CHODL: variants seen among roughly 807,000 people sequenced by gnomAD.
CHODL encodes the protein chondrolectin.
Under a neutral mutation model 34.5 loss-of-function variants are expected in CHODL, and 29 were observed. The ratio of observed to expected loss-of-function variants is 0.84; its 90% CI spans 0.63 to 1.15. CHODL has a LOEUF of 1.15. Among genes scored for constraint, CHODL ranks in the 50% most tolerant of loss-of-function variants. The pLI, the probability that CHODL is intolerant of heterozygous loss-of-function variation, is 0.00. For synonymous variants in CHODL, 125 were observed against 116.1 expected, an observed-to-expected ratio of 1.08 and a Z score of -0.49; for missense variants, 332 against 332.5, an observed-to-expected ratio of 1.00 and a Z score of 0.01.
intron 2 of CHODL, among the ~76,000 whole-genome samples, chr21:18,219,538 CT>C (rs753018729): frequency 6.6e-6 from 1 of 152,150 alleles, no homozygotes; most frequent in Non-Finnish European, 1.5e-5. Context: ...AATTTACATT[CT>C]CACCAACAGA....
At chr21:17,926,246 G>T (rs1328659760) in intron 1 of CHODL, among the ~76,000 whole-genome samples, 1 of 150,176 alleles carries the variant, frequency 6.7e-6, no homozygotes, top group Non-Finnish European at 1.5e-5. Flanking sequence ...TTTATGAAAT[G>T]AAAAAAAAAT....
intron 1 of CHODL, among the ~76,000 whole-genome samples, chr21:18,008,259 G>C (rs149363810): frequency 1.3e-5 from 2 of 151,668 alleles, no homozygotes; most frequent in Non-Finnish European, 2.9e-5. Context: ...CCATGATACC[G>C]TCATCACAAC....
chr21:18,043,783 G>T (rs1345016460), intron 2 of CHODL, among the ~76,000 whole-genome samples: 1 of 151,944 alleles, frequency 6.6e-6, no homozygotes, highest in African/African-American at 2.4e-5. Context: ...AAGAAAAAGA[G>T]GTTTAATGGA....
intron 2 of CHODL, among the ~76,000 whole-genome samples, chr21:18,039,126 T>A (rs2064345219): frequency 6.6e-6 from 1 of 151,650 alleles, no homozygotes; most frequent in Admixed American, 6.6e-5. Context: ...AATCGAGGGA[T>A]TCTTAATGGT....
At chr21:18,222,315 G>A (rs775975948) in intron 2 of CHODL, among the ~76,000 whole-genome samples, 10 of 152,150 alleles carry the variant, frequency 6.6e-5, no homozygotes, top group South Asian at 2.1e-4. Context: ...AATGTGGGGG[G>A]ATCTTTGTGG....
intron 2 of CHODL, among the ~76,000 whole-genome samples, chr21:18,083,824 A>G (rs1944471329): frequency 6.6e-6 from 1 of 152,142 alleles, no homozygotes; most frequent in Non-Finnish European, 1.5e-5. Context: ...CTAGCTTTTG[A>G]TTTTATAGGC....
chr21:18,261,533 G>T (rs2074382896), intron 4 of CHODL, among the ~76,000 whole-genome samples: 1 of 151,932 alleles, frequency 6.6e-6, no homozygotes, highest in Non-Finnish European at 1.5e-5. Flanking sequence ...TGGGCGTGGT[G>T]GCAGGTCCCT....
intron 2 of CHODL, among the ~76,000 whole-genome samples, chr21:18,147,347 C>T (rs1010894196): frequency 1.3e-5 from 2 of 152,194 alleles, no homozygotes; most frequent in African/African-American, 4.8e-5. Context: ...CACCCTTCCC[C>T]TCTCCAAGCG....
intron 1 of CHODL, among the ~76,000 whole-genome samples, chr21:17,938,883 T>C (rs1048425751): frequency 5.3e-5 from 7 of 131,846 alleles, no homozygotes; most frequent in African/African-American, 2.9e-4. Context: ...CTCTGCTGGA[T>C]TTTTTTTCGT....
At chr21:18,004,519 C>T (rs989369831) in intron 1 of CHODL, among the ~76,000 whole-genome samples, 1 of 152,166 alleles carries the variant, frequency 6.6e-6, no homozygotes, top group Non-Finnish European at 1.5e-5. Flanking sequence ...TTTAGGAAAT[C>T]GAGCATACAA....
At chr21:18,093,724 T>A (rs970364036) in intron 2 of CHODL, among the ~76,000 whole-genome samples, 3 of 151,786 alleles carry the variant, frequency 2.0e-5, no homozygotes, top group African/African-American at 7.3e-5. Context: ...AAATTGAAAA[T>A]CATACAATGG....
At chr21:18,221,645 A>G (rs1361005219) in intron 2 of CHODL, among the ~76,000 whole-genome samples, 1 of 152,210 alleles carries the variant, frequency 6.6e-6, no homozygotes, top group Non-Finnish European at 1.5e-5. Flanking sequence ...TATAAGCAAC[A>G]CACGTTATGT....
At chr21:18,117,214 T>C (rs909978814) in intron 2 of CHODL, among the ~76,000 whole-genome samples, 4 of 152,216 alleles carry the variant, frequency 2.6e-5, no homozygotes, top group Admixed American at 1.3e-4. Context: ...CATTTATTGA[T>C]GGGCTATTAA....
chr21:18,124,701 C>A (rs1299030147), intron 2 of CHODL, among the ~76,000 whole-genome samples: 1 of 152,068 alleles, frequency 6.6e-6, no homozygotes, highest in Non-Finnish European at 1.5e-5. Context: ...CATAAATAAA[C>A]CTCTGAAGAA....
intron 1 of CHODL, among the ~76,000 whole-genome samples, chr21:17,944,451 T>C (rs552453312): frequency 1.3e-4 from 20 of 152,278 alleles, no homozygotes; most frequent in African/African-American, 4.8e-4. Context: ...CAGCCACTTA[T>C]CTAAGCCAAA....
intron 1 of CHODL, among the ~76,000 whole-genome samples, chr21:18,005,836 A>G (rs1288658730): frequency 6.6e-6 from 1 of 152,100 alleles, no homozygotes; most frequent in Admixed American, 6.6e-5. Context: ...TGTGGGATGG[A>G]GGAAGGGAGA....
chr21:18,074,648 AT>A (rs551600803), intron 2 of CHODL, among the ~76,000 whole-genome samples: 53 of 151,958 alleles, frequency 3.5e-4, no homozygotes, highest in African/African-American at 1.0e-3. Flanking sequence ...TTCCCCTAAA[AT>A]TTTTTCTTAC....
At chr21:18,201,617 C>T (rs1397277684) in intron 2 of CHODL, among the ~76,000 whole-genome samples, 2 of 152,122 alleles carry the variant, frequency 1.3e-5, no homozygotes, top group East Asian at 3.9e-4. Flanking sequence ...TCTAATAAAA[C>T]AGTGAACAAC....
At chr21:18,002,989 G>T (rs866111488) in intron 1 of CHODL, among the ~76,000 whole-genome samples, 1 of 152,092 alleles carries the variant, frequency 6.6e-6, no homozygotes, top group Non-Finnish European at 1.5e-5. Context: ...CGGGCGAGGT[G>T]GCGGGCGCCT....
Sources: allele counts gnomAD v4.1 joint callset (sites outside exome capture counted in the v4.1 genomes callset), GRCh38; gene constraint gnomAD v4.1.1; transcripts MANE v1.5; gene names NCBI Gene and HGNC (gene_info 2026-07-23, HGNC 2026-07-21).